STK35: variants seen among roughly 807,000 people sequenced by gnomAD.
STK35 encodes the protein serine/threonine-protein kinase 35.
STK35 carries 17 observed loss-of-function variants against 37.3 expected under a neutral mutation model. That is an observed-to-expected ratio of 0.46 (90% CI 0.31 to 0.68). The LOEUF is 0.68. STK35 is among the 30% of genes least tolerant of loss of function. STK35 has a pLI of 0.05. For missense variants in STK35, 595 were observed against 746.7 expected (o/e 0.80, Z 2.37); for synonymous variants, 385 against 319.1 (o/e 1.21, Z -2.20).
At chr20:2,111,393 C>T (rs1985615424) in intron 2 of STK35, among the ~76,000 whole-genome samples, 1 of 152,196 alleles carries the variant, frequency 6.6e-6, no homozygotes, top group African/African-American at 2.4e-5. Context: ...GTAAGCGACA[C>T]ATCTCTAAAA....
intron 2 of STK35, among the ~76,000 whole-genome samples, chr20:2,113,615 CTA>C (rs747520881): frequency 6.6e-6 from 1 of 152,162 alleles, no homozygotes; most frequent in Non-Finnish European, 1.5e-5. Context: ...ATTCTAAGAT[CTA>C]AATTTCATCT....
intron 3 of STK35, among the ~76,000 whole-genome samples, chr20:2,119,730 G>T (rs1466468492): frequency 6.6e-6 from 1 of 152,188 alleles, no homozygotes; most frequent in African/African-American, 2.4e-5. Context: ...TGAGGTGATG[G>T]AGCTAGTGCT....
At chr20:2,114,213 A>G (rs1985672436) in intron 2 of STK35, among the ~76,000 whole-genome samples, 1 of 152,048 alleles carries the variant, frequency 6.6e-6, no homozygotes, top group Non-Finnish European at 1.5e-5. Flanking sequence ...GCAGCTTCTC[A>G]TGAAAGAAGT....
At chr20:2,106,315 C>T (rs1159005439) in intron 2 of STK35, among the ~76,000 whole-genome samples, 2 of 152,170 alleles carry the variant, frequency 1.3e-5, no homozygotes, top group African/African-American at 2.4e-5. Flanking sequence ...TACAGTCACC[C>T]TTGGCCCTGC....
intron 3 of STK35, among the ~76,000 whole-genome samples, chr20:2,137,932 C>T (rs751096856): frequency 6.6e-6 from 1 of 152,180 alleles, no homozygotes; most frequent in African/African-American, 2.4e-5. Context: ...GATGACTTTG[C>T]CTCTGTGCAC....
intron 3 of STK35, among the ~76,000 whole-genome samples, chr20:2,137,025 G>A (rs1986099058): frequency 6.6e-6 from 1 of 152,234 alleles, no homozygotes; most frequent in Non-Finnish European, 1.5e-5. Flanking sequence ...AAGCAGGAGG[G>A]AGGCTGTCAC....
Position 2,102,052 on chromosome 20 carries a change from G to A in STK35, c.171G>A (p.Arg57=), listed in dbSNP as rs1262414095. ...CAGCAGAAGGATCCGCTACACGCCG[G>A]GCTCGGGCCGCCACCTCCCGCGCTG... ...AAAAEGSATR[R]ARAATSRAAR... is the part of the protein sequence containing the mutation. The change falls in exon 1 of 4, where the codon CGG becomes CGA. Residue 57 remains arginine (R), a synonymous_variant. Transcript: ENST00000381482. 1.1e-5 allele frequency: 17 copies of A among 1,523,758 alleles called. No individual in the cohort carries two copies. Among genetic ancestry groups the A allele is most frequent in the Non-Finnish European group, 1.5e-5 (17 of 1,140,720 alleles). The allele number at this position is 1,523,758 out of a possible 1,614,324, so 94.4% of individuals were successfully genotyped here. A position where few individuals can be genotyped will look rare whatever the true frequency, so the allele number is the denominator to read the frequency against.
chr20:2,117,587 G>A lies in STK35; in HGVS notation c.*37+172G>A, dbSNP rs1464773486. ...AGCCACCTGGGTAGCTGGGATTACA[G>A]GCACCTGCCATCATGCCCGGCTAAT... is the stretch of plus-strand genomic sequence containing the variant. On this transcript the variant is annotated intron_variant, in intron 3 of 3. Transcript: ENST00000381482. The surrounding 1 kb of genome is among the most constrained non-coding windows in gnomAD (Gnocchi z 4.4). 6.6e-6 allele frequency among the ~76,000 whole-genome samples: 1 copy of A among 152,178 alleles called. No individual in the cohort carries two copies. The highest frequency in any genetic ancestry group is 2.4e-5 in the African/African-American group (1 of 41,444).
intron 3 of STK35, among the ~76,000 whole-genome samples, chr20:2,143,103 T>G (rs1247747960): frequency 6.6e-6 from 1 of 152,178 alleles, no homozygotes; most frequent in Non-Finnish European, 1.5e-5. Context: ...AGGACTTAAA[T>G]TCCCCCACAG....
chr20:2,131,311 G>T (rs78026003), intron 3 of STK35, among the ~76,000 whole-genome samples: 1,606 of 152,200 alleles, frequency 0.011, 33 homozygotes, highest in African/African-American at 0.037. Context: ...GTGAAAATAC[G>T]GCATAAAAGG....
At chr20:2,126,835 G>T (rs1229021699) in intron 3 of STK35, among the ~76,000 whole-genome samples, 1 of 152,202 alleles carries the variant, frequency 6.6e-6, no homozygotes, top group Non-Finnish European at 1.5e-5. Context: ...CCAGGGGAAA[G>T]CTATAACTCA....
chr20:2,129,514 T>C (rs1985962898), intron 3 of STK35, among the ~76,000 whole-genome samples: 1 of 151,572 alleles, frequency 6.6e-6, no homozygotes, highest in African/African-American at 2.4e-5. Context: ...CCCCCACCAA[T>C]AAAAAGGAAA....
chr20:2,134,056 G>A (rs963398484), intron 3 of STK35, among the ~76,000 whole-genome samples: 5 of 152,040 alleles, frequency 3.3e-5, no homozygotes, highest in South Asian at 2.1e-4. Context: ...CTTCAGGGAC[G>A]CAGCATAGAG....
At position 2,102,943 on chromosome 20, in the gene STK35, C is replaced by T; in HGVS notation, c.470C>T (p.Pro157Leu). The stretch of plus-strand genomic sequence containing the variant: ...GAGCGGAAAAGGCGAAGCCCAGTGC[C>T]GCGGGCGCCCAGCACGAAGCTGAGG... ...SPERKRRSPV[P>L]RAPSTKLRPA... is the part of the protein sequence containing the mutation. The change falls in exon 2 of 4, where the codon CCG becomes CTG. Residue 157 changes from proline to leucine, a missense_variant. Around this residue, in one of 3 missense-constraint regions of STK35, gnomAD observed 389 missense variants for 320.0 expected, o/e 1.22. Transcript: ENST00000381482. The T allele has an allele frequency of 6.7e-7, 1 of 1,500,520 alleles. No individual in the cohort carries two copies. 93.0% of individuals were successfully genotyped at this position (1,500,520 alleles called of 1,614,324 possible).
At chr20:2,139,543 G>A (rs1207216299) in intron 3 of STK35, among the ~76,000 whole-genome samples, 1 of 152,202 alleles carries the variant, frequency 6.6e-6, no homozygotes, top group Non-Finnish European at 1.5e-5. Context: ...GAGTGAGACT[G>A]CCCTGAGTTA....
At chr20:2,125,393 T>C (rs894193001) in intron 3 of STK35, among the ~76,000 whole-genome samples, 5 of 152,246 alleles carry the variant, frequency 3.3e-5, no homozygotes, top group African/African-American at 9.6e-5. Context: ...TATTCTGTTA[T>C]GTGCCCTCTT....
chr20:2,104,235 A>G (rs899567714), intron 2 of STK35, among the ~76,000 whole-genome samples: 2 of 152,134 alleles, frequency 1.3e-5, no homozygotes, highest in Admixed American at 1.3e-4. Flanking sequence ...ACCAGTAGCT[A>G]AGTGTCTGCT....
chr20:2,119,659 C>G (rs372888922), intron 3 of STK35, among the ~76,000 whole-genome samples: 4 of 152,234 alleles, frequency 2.6e-5, no homozygotes, highest in East Asian at 3.8e-4. Flanking sequence ...TCCCCCACCC[C>G]CTTTTCCCTT....
At chr20:2,133,006 A>AT (rs1986025902) in intron 3 of STK35, among the ~76,000 whole-genome samples, 1 of 152,204 alleles carries the variant, frequency 6.6e-6, no homozygotes, top group Non-Finnish European at 1.5e-5. Context: ...CCAAATCCTT[A>AT]TAGGCTAATC....
Sources: gnomAD v4.1 joint callset for allele counts (sites outside exome capture counted in the v4.1 genomes callset) on GRCh38, gnomAD v4.1.1 for gene constraint, gnomAD v4.1.1 regional missense constraint, Gnocchi (gnomAD v3.1) non-coding constraint, MANE v1.5 for transcripts, NCBI Gene and HGNC (gene_info 2026-07-23, HGNC 2026-07-21) for gene names.